Variants in TSPAN12 observed in about 807,000 individuals in gnomAD.
TSPAN12 encodes tetraspanin-12.
In TSPAN12, 19 loss-of-function variants were observed where a neutral mutation model predicts 39.2. That is an observed-to-expected ratio of 0.49 (90% CI 0.34 to 0.71). The LOEUF (loss-of-function observed/expected upper bound fraction) is 0.71, where lower values mean the gene tolerates loss of function less well. TSPAN12 is among the 30% of genes least tolerant of loss of function. The pLI, the probability that TSPAN12 is intolerant of heterozygous loss-of-function variation, is 0.01. For missense variants in TSPAN12, 314 were observed against 359.9 expected (o/e 0.87, Z 1.03); for synonymous variants, 119 against 124.8 (o/e 0.95, Z 0.31).
intron 2 of TSPAN12, among the ~76,000 whole-genome samples, chr7:120,841,515 C>T (rs56067931): frequency 0.19 from 29,292 of 151,916 alleles, 3,049 homozygotes; most frequent in African/African-American, 0.21. Context: ...GTTTGGATCC[C>T]GATTCAAACA....
At chr7:120,856,432 C>A (rs1391965535) in intron 2 of TSPAN12, among the ~76,000 whole-genome samples, 1 of 152,192 alleles carries the variant, frequency 6.6e-6, no homozygotes, top group East Asian at 1.9e-4. Flanking sequence ...GAAGCACGTG[C>A]ATTTATTTAT....
chr7:120,803,086 C>T (rs989611253), intron 7 of TSPAN12, among the ~76,000 whole-genome samples: 1 of 152,156 alleles, frequency 6.6e-6, no homozygotes, highest in Non-Finnish European at 1.5e-5. Flanking sequence ...ACCCATTCTA[C>T]ACTACCAATG....
At position 120,856,904 on chromosome 7, in the gene TSPAN12, C is replaced by T; in HGVS notation, c.-70-71G>A. ...GCTTCCCACAGCCTGCCCGTCCCTCCTCCACCCGCCCTCAGCAGGGTCCAG... is the reference window on the plus strand; with the variant it reads ...GCTTCCCACAGCCTGCCCGTCCCTCTTCCACCCGCCCTCAGCAGGGTCCAG... On this transcript the variant is annotated intron_variant, in intron 1 of 7. Transcript: ENST00000222747. 3.4e-6 allele frequency: 3 copies of T among 872,478 alleles called. 1 individual carries two copies. 54.0% of individuals were successfully genotyped at this position (872,478 alleles called of 1,614,324 possible).
intron 2 of TSPAN12, among the ~76,000 whole-genome samples, chr7:120,843,601 T>A (rs1241556393): frequency 1.3e-5 from 2 of 152,182 alleles, no homozygotes; most frequent in East Asian, 3.8e-4. Context: ...TTGCCCACAG[T>A]TCCCATCTCT....
At chr7:120,815,246 T>C (rs975021964) in intron 5 of TSPAN12, among the ~76,000 whole-genome samples, 1 of 152,202 alleles carries the variant, frequency 6.6e-6, no homozygotes, top group African/African-American at 2.4e-5. Flanking sequence ...TTAACTGTTA[T>C]CATGTAGCAT....
chr7:120,800,744 G>GTTTTTTTTTTTTTTTTTTTTTTTTTT lies in TSPAN12; in HGVS notation c.612+5804_612+5805insAAAAAAAAAAAAAAAAAAAAAAAAAA, dbSNP rs148802163. Among the ~76,000 whole-genome samples the GTTTTTTTTTTTTTTTTTTTTTTTTTT allele has an allele frequency of 7.6e-5, 9 of 118,738 alleles. 2 individuals carry two copies. Among genetic ancestry groups the GTTTTTTTTTTTTTTTTTTTTTTTTTT allele is most frequent in the Admixed American group, 9.7e-5 (1 of 10,328 alleles). 77.9% of individuals were successfully genotyped at this position (118,738 alleles called of 152,430 possible). A position where few individuals can be genotyped will look rare whatever the true frequency, so the allele number is the denominator to read the frequency against. On this transcript the variant is annotated intron_variant, in intron 7 of 7. Transcript: ENST00000222747. Reference sequence around the variant, plus strand: ...CTGCTGAAATAAAGTTTTCCTTATCGTTTTTTTTTGTTTTTTTTTTTTGAG... The same window carrying GTTTTTTTTTTTTTTTTTTTTTTTTTT: ...CTGCTGAAATAAAGTTTTCCTTATCGTTTTTTTTTTTTTTTTTTTTTTTTTTTTTTTTTTTGTTTTTTTTTTTTGAG...
At chr7:120,827,368 A>G (rs563594827) in intron 4 of TSPAN12, among the ~76,000 whole-genome samples, 9 of 152,356 alleles carry the variant, frequency 5.9e-5, no homozygotes, top group Admixed American at 4.6e-4. Flanking sequence ...ATTGATAAAT[A>G]TATTCATGCA....
intron 2 of TSPAN12, among the ~76,000 whole-genome samples, chr7:120,855,606 T>C (rs1767256428): frequency 6.6e-6 from 1 of 152,234 alleles, no homozygotes; most frequent in African/African-American, 2.4e-5. Context: ...AATGCTTTAA[T>C]TTTGAGAAAT....
At chr7:120,818,882 G>A (rs981507744) in intron 4 of TSPAN12, among the ~76,000 whole-genome samples, 4 of 151,992 alleles carry the variant, frequency 2.6e-5, no homozygotes, top group East Asian at 1.9e-4. Flanking sequence ...AAGAAATTTC[G>A]TGAGCATAGT....
intron 6 of TSPAN12, among the ~76,000 whole-genome samples, chr7:120,810,217 GC>G (rs1399321615): frequency 1.3e-5 from 2 of 152,052 alleles, no homozygotes; most frequent in East Asian, 3.9e-4. Context: ...TAGCAAAATG[GC>G]TTTTCAGATG....
At chr7:120,850,115 T>A (rs1794743098) in intron 2 of TSPAN12, among the ~76,000 whole-genome samples, 1 of 152,230 alleles carries the variant, frequency 6.6e-6, no homozygotes, top group Non-Finnish European at 1.5e-5. Flanking sequence ...GCAATGTAAA[T>A]GATGGCTGAA....
At chr7:120,845,198 C>G (rs949609050) in intron 2 of TSPAN12, among the ~76,000 whole-genome samples, 4 of 152,132 alleles carry the variant, frequency 2.6e-5, no homozygotes, top group Non-Finnish European at 4.4e-5. Context: ...GCAGCAGGGC[C>G]CTGGGCCCAG....
chr7:120,856,948 G>A, intron 1 of TSPAN12, 115 bp from the exon 2 acceptor site: 1 of 665,214 alleles, frequency 1.5e-6, no homozygotes, highest in Non-Finnish European at 2.7e-6. Flanking sequence ...GAGGCCCAGT[G>A]CATTCGAGAC....
At chr7:120,817,739 T>G (rs1382150086) in intron 4 of TSPAN12, among the ~76,000 whole-genome samples, 1 of 152,118 alleles carries the variant, frequency 6.6e-6, no homozygotes, top group Non-Finnish European at 1.5e-5. Context: ...AAAATCATCC[T>G]ACTAATTTTA....
intron 5 of TSPAN12, 22 bp downstream of exon 5, chr7:120,815,707 A>T (rs776968379): frequency 6.2e-7 from 1 of 1,600,034 alleles, no homozygotes; most frequent in Non-Finnish European, 8.6e-7. Flanking sequence ...TTAGATTGTG[A>T]TTATATCTAT....
intron 4 of TSPAN12, among the ~76,000 whole-genome samples, chr7:120,836,720 C>T (rs1303470607): frequency 6.6e-6 from 1 of 152,186 alleles, no homozygotes; most frequent in Non-Finnish European, 1.5e-5. Context: ...TTTAGAACCT[C>T]AGTCATCCCT....
intron 1 of TSPAN12, 38 bp from the exon 2 acceptor site, chr7:120,856,871 AC>A: frequency 8.4e-7 from 1 of 1,197,102 alleles, no homozygotes; most frequent in Non-Finnish European, 1.2e-6. Context: ...GGGACATCTC[AC>A]CATCACGCTT....
rs10260155 is a variant in TSPAN12 at position 120,810,672 on chromosome 7, G to A, written c.361-102C>T. The A allele has an allele frequency of 6.1e-3, 4,632 of 753,816 alleles. 152 individuals are homozygous for A. In the African/African-American group the frequency reaches 0.068, roughly 11 times the overall value. The allele number at this position is 753,816 out of a possible 1,614,324, so 46.7% of individuals were successfully genotyped here. A position where few individuals can be genotyped will look rare whatever the true frequency, so the allele number is the denominator to read the frequency against. On this transcript the variant is annotated intron_variant, in intron 5 of 7. Transcript: ENST00000222747. ...CACACACACGTACACACGCATACTC[G>A]GAATGTCTTCTAATTGACAAATACT...
chr7:120,819,184 A>G (rs1794140524), intron 4 of TSPAN12, among the ~76,000 whole-genome samples: 1 of 152,142 alleles, frequency 6.6e-6, no homozygotes. Context: ...AAGGCAAGAT[A>G]TGTTTATCAA....
Sources: gnomAD v4.1 joint callset for allele counts (sites outside exome capture counted in the v4.1 genomes callset) on GRCh38, gnomAD v4.1.1 for gene constraint, MANE v1.5 for transcripts, NCBI Gene and HGNC (gene_info 2026-07-23, HGNC 2026-07-21) for gene names.